SGCD: variants seen among roughly 807,000 people sequenced by gnomAD.
SGCD encodes sarcoglycan delta.
A neutral mutation model predicts 36.6 loss-of-function variants in SGCD; 18 were observed. The observed-to-expected ratio is 0.49, with a 90% CI of 0.34 to 0.73. SGCD has a LOEUF of 0.73. SGCD is among the 30% of genes least tolerant of loss of function. The pLI is 0.01. For synonymous variants in SGCD, 133 were observed against 130.6 expected (o/e 1.02, Z -0.12); for missense variants, 387 against 346.7 (o/e 1.12, Z -0.92).
intron 2 of SGCD, among the ~76,000 whole-genome samples, chr5:156,330,326 G>C (rs1256181164): frequency 6.6e-6 from 1 of 152,292 alleles, no homozygotes; most frequent in African/African-American, 2.4e-5. Flanking sequence ...CGAACGTGCT[G>C]GTACTGGGGG....
chr5:156,644,409 AC>A (rs1763153891), intron 6 of SGCD, among the ~76,000 whole-genome samples: 1 of 152,110 alleles, frequency 6.6e-6, no homozygotes, highest in Admixed American at 6.6e-5. Flanking sequence ...TTAAAGAATT[AC>A]GCGTTTTTAG....
chr5:156,273,434 A>G (rs1167518511), intron 3 of SGCD, among the ~76,000 whole-genome samples: 3 of 152,208 alleles, frequency 2.0e-5, no homozygotes, highest in Non-Finnish European at 2.9e-5. Context: ...TATTTTGCTC[A>G]CAGCCCATTG....
intron 7 of SGCD, among the ~76,000 whole-genome samples, chr5:156,683,102 T>C (rs1290851086): frequency 6.6e-6 from 1 of 152,190 alleles, no homozygotes; most frequent in East Asian, 1.9e-4. Context: ...GAGTGAGTGA[T>C]AGCCAAGCCT....
At chr5:156,195,384 A>G (rs75957940) in intron 3 of SGCD, among the ~76,000 whole-genome samples, 2,332 of 152,322 alleles carry the variant, frequency 0.015, 26 homozygotes, top group Non-Finnish European at 0.026. Flanking sequence ...AATTCCTTCA[A>G]ATATACCACA....
intron 7 of SGCD, among the ~76,000 whole-genome samples, chr5:156,691,761 T>C (rs899409719): frequency 2.6e-5 from 4 of 152,182 alleles, no homozygotes; most frequent in Admixed American, 2.0e-4. Flanking sequence ...AACCCCTAGA[T>C]TGGAATATTA....
chr5:156,352,647 A>C (rs765994392), intron 3 of SGCD, among the ~76,000 whole-genome samples: 2 of 152,198 alleles, frequency 1.3e-5, no homozygotes, highest in Non-Finnish European at 2.9e-5. Flanking sequence ...AACTGTTGTC[A>C]CTTGTGATCA....
intron 4 of SGCD, among the ~76,000 whole-genome samples, chr5:156,582,029 A>G (rs1422729711): frequency 6.6e-6 from 1 of 152,112 alleles, no homozygotes; most frequent in African/African-American, 2.4e-5. Flanking sequence ...TGCAGACCAG[A>G]GCTGTTCCTA....
intron 3 of SGCD, among the ~76,000 whole-genome samples, chr5:156,237,804 A>T (rs778606054): frequency 6.6e-6 from 1 of 152,156 alleles, no homozygotes; most frequent in Non-Finnish European, 1.5e-5. Context: ...GGTAAATATT[A>T]TTGAGCCCCA....
intron 3 of SGCD, among the ~76,000 whole-genome samples, chr5:156,177,905 G>T (rs1462046975): frequency 6.6e-6 from 1 of 152,132 alleles, no homozygotes; most frequent in African/African-American, 2.4e-5. Flanking sequence ...GCAGCATTAA[G>T]GATGAGGACT....
chr5:156,414,069 G>A (rs1012963875), intron 3 of SGCD, among the ~76,000 whole-genome samples: 4 of 152,174 alleles, frequency 2.6e-5, no homozygotes, highest in Admixed American at 1.3e-4. Context: ...CCATTTTCTC[G>A]ATTAGACTAT....
intron 7 of SGCD, among the ~76,000 whole-genome samples, chr5:156,695,386 C>T (rs1343031287): frequency 6.6e-6 from 1 of 152,010 alleles, no homozygotes; most frequent in Non-Finnish European, 1.5e-5. Context: ...AACTGCCTTC[C>T]AAATTGCATG....
intron 1 of SGCD, among the ~76,000 whole-genome samples, chr5:155,933,413 T>C (rs1757135158): frequency 6.6e-6 from 1 of 152,228 alleles, no homozygotes; most frequent in Non-Finnish European, 1.5e-5. Context: ...ATGGTTTGTC[T>C]CTACCATTGG....
chr5:156,213,848 C>T (rs2127642268), intron 3 of SGCD, among the ~76,000 whole-genome samples: 1 of 152,070 alleles, frequency 6.6e-6, no homozygotes, highest in Middle Eastern at 3.4e-3. Context: ...CTCACATTAA[C>T]AGAATGAAGG....
chr5:156,476,778 A>G (rs1196657982), intron 3 of SGCD, among the ~76,000 whole-genome samples: 1 of 152,200 alleles, frequency 6.6e-6, no homozygotes, highest in Non-Finnish European at 1.5e-5. Flanking sequence ...AGTTATAACA[A>G]TGACTCTGGG....
chr5:155,791,642 A>T, the SGCD span, among the ~76,000 whole-genome samples: 3 of 152,224 alleles, frequency 2.0e-5, no homozygotes, highest in Admixed American at 2.0e-4. Flanking sequence ...CAAATCAAGA[A>T]CACAGTCCCA....
chr5:155,857,200 G>A, the SGCD span, among the ~76,000 whole-genome samples: 1 of 152,160 alleles, frequency 6.6e-6, no homozygotes, highest in African/African-American at 2.4e-5. Context: ...TGGTGCCACT[G>A]CACTATGGCC....
At chr5:156,226,764 AT>A (rs201341331) in intron 3 of SGCD, among the ~76,000 whole-genome samples, 15 of 149,460 alleles carry the variant, frequency 1.0e-4, no homozygotes, top group Admixed American at 4.0e-4. Context: ...CTATTTTTAG[AT>A]TTTTTTTTTA....
At chr5:156,136,839 A>G (rs1347487939) in intron 3 of SGCD, among the ~76,000 whole-genome samples, 1 of 152,238 alleles carries the variant, frequency 6.6e-6, no homozygotes, top group East Asian at 1.9e-4. Flanking sequence ...CCAAGTGGCA[A>G]AAAGAATGGG....
intron 3 of SGCD, among the ~76,000 whole-genome samples, chr5:156,247,993 T>C (rs1031181025): frequency 2.6e-5 from 4 of 152,208 alleles, no homozygotes; most frequent in African/African-American, 9.6e-5. Context: ...GAGTATATAG[T>C]AAATAAATTT....
Sources: allele counts gnomAD v4.1 joint callset (sites outside exome capture counted in the v4.1 genomes callset), GRCh38; gene constraint gnomAD v4.1.1; transcripts MANE v1.5; gene names NCBI Gene and HGNC (gene_info 2026-07-23, HGNC 2026-07-21).